Variants in CCNY observed in about 807,000 individuals in gnomAD.
CCNY encodes the protein cyclin Y.
In CCNY, 19 loss-of-function variants were observed where a neutral mutation model predicts 42.8. The ratio of observed to expected loss-of-function variants is 0.44; its 90% CI spans 0.31 to 0.65. CCNY has a LOEUF of 0.65. Among genes scored for constraint, CCNY ranks in the 30% least tolerant of loss-of-function variants. CCNY has a pLI of 0.07. For synonymous variants in CCNY, 165 were observed against 162.7 expected, an observed-to-expected ratio of 1.01 and a Z score of -0.11; for missense variants, 370 against 437.3, an observed-to-expected ratio of 0.85 and a Z score of 1.37.
At chr10:35,403,223 G>A (rs545347885) in intron 1 of CCNY, among the ~76,000 whole-genome samples, 34 of 152,270 alleles carry the variant, frequency 2.2e-4, no homozygotes, top group Admixed American at 1.1e-3. Flanking sequence ...TTTCCACGAC[G>A]GAAAGGAAAT....
chr10:35,554,808 AG>A (rs1285765902), intron 8 of CCNY, among the ~76,000 whole-genome samples: 4 of 152,238 alleles, frequency 2.6e-5, no homozygotes, highest in African/African-American at 9.6e-5. Flanking sequence ...TATTTCCAAA[AG>A]GAAGTGAGAG....
chr10:35,490,762 A>G (rs1175292746), intron 2 of CCNY, among the ~76,000 whole-genome samples: 1 of 152,226 alleles, frequency 6.6e-6, no homozygotes, highest in African/African-American at 2.4e-5. Context: ...GGTGGTTACC[A>G]CAACCCCAGT....
intron 1 of CCNY, among the ~76,000 whole-genome samples, chr10:35,365,296 A>G (rs1054617865): frequency 1.3e-5 from 2 of 152,204 alleles, no homozygotes; most frequent in Non-Finnish European, 2.9e-5. Context: ...TTTATATTTA[A>G]CTTGTCCTCA....
At chr10:35,543,439 C>T (rs79132514) in intron 7 of CCNY, among the ~76,000 whole-genome samples, 1,961 of 152,226 alleles carry the variant, frequency 0.013, 33 homozygotes, top group East Asian at 0.051. Flanking sequence ...AACGATGGAC[C>T]ACATATATGA....
chr10:35,368,738 G>A (rs896565503), intron 1 of CCNY, among the ~76,000 whole-genome samples: 1 of 136,988 alleles, frequency 7.3e-6, no homozygotes, highest in Admixed American at 7.2e-5. Flanking sequence ...TGGCATAGGA[G>A]TGCCCTTCCA....
At chr10:35,477,656 C>G (rs1364874874) in intron 1 of CCNY, among the ~76,000 whole-genome samples, 1 of 149,290 alleles carries the variant, frequency 6.7e-6, no homozygotes, top group African/African-American at 2.4e-5. Context: ...TAAGAGCTAT[C>G]TATGACAAAC....
chr10:35,343,359 C>T (rs1191060581), intron 1 of CCNY, among the ~76,000 whole-genome samples: 1 of 150,996 alleles, frequency 6.6e-6, no homozygotes, highest in Non-Finnish European at 1.5e-5. Context: ...CACCTTCTCA[C>T]CCTCCTCTAC....
At chr10:35,563,446 T>C (rs1841505430) in intron 8 of CCNY, among the ~76,000 whole-genome samples, 1 of 152,142 alleles carries the variant, frequency 6.6e-6, no homozygotes, top group Admixed American at 6.5e-5. Context: ...CTTCTTACTA[T>C]TGGGAGAATA....
At chr10:35,515,422 TA>T (rs1240685461) in intron 3 of CCNY, among the ~76,000 whole-genome samples, 2 of 152,236 alleles carry the variant, frequency 1.3e-5, no homozygotes, top group African/African-American at 2.4e-5. Flanking sequence ...ACATTTTCCT[TA>T]CTTTATTACT....
intron 3 of CCNY, among the ~76,000 whole-genome samples, chr10:35,308,434 C>T (rs1835640658): frequency 6.6e-6 from 1 of 152,048 alleles, no homozygotes; most frequent in Non-Finnish European, 1.5e-5. Flanking sequence ...CACCTGTAGT[C>T]CTGGCTACTT....
At chr10:35,508,228 T>C (rs888486879) in intron 3 of CCNY, among the ~76,000 whole-genome samples, 1 of 152,180 alleles carries the variant, frequency 6.6e-6, no homozygotes, top group African/African-American at 2.4e-5. Context: ...GAGCCTTCTC[T>C]TCCCATCTGT....
At chr10:35,259,466 G>A (rs910947258) in intron 3 of CCNY, among the ~76,000 whole-genome samples, 1 of 147,852 alleles carries the variant, frequency 6.8e-6, no homozygotes, top group Non-Finnish European at 1.5e-5. Context: ...TGGGATTATC[G>A]GCATAAACCA....
chr10:35,425,317 T>C (rs1273042695), intron 1 of CCNY, among the ~76,000 whole-genome samples: 1 of 152,326 alleles, frequency 6.6e-6, no homozygotes, highest in East Asian at 1.9e-4. Context: ...TTGTATTAGA[T>C]TAAAAAATTG....
intron 1 of CCNY, among the ~76,000 whole-genome samples, chr10:35,477,765 A>G (rs1839550702): frequency 6.6e-6 from 1 of 152,148 alleles, no homozygotes; most frequent in Non-Finnish European, 1.5e-5. Context: ...CCTATTCAAC[A>G]TAGTGTTGGA....
intron 3 of CCNY, among the ~76,000 whole-genome samples, chr10:35,298,057 C>A (rs1180696865): frequency 2.0e-5 from 3 of 148,428 alleles, no homozygotes; most frequent in African/African-American, 7.4e-5. Context: ...GCAAAAAGAA[C>A]AAAGCTGGAG....
At chr10:35,448,829 T>C (rs1354292224) in intron 1 of CCNY, among the ~76,000 whole-genome samples, 1 of 152,074 alleles carries the variant, frequency 6.6e-6, no homozygotes, top group Non-Finnish European at 1.5e-5. Flanking sequence ...GCAGACGTGC[T>C]CCTAATGCAG....
At chr10:35,442,191 C>T (rs1307363964) in intron 1 of CCNY, among the ~76,000 whole-genome samples, 1 of 152,158 alleles carries the variant, frequency 6.6e-6, no homozygotes, top group Non-Finnish European at 1.5e-5. Flanking sequence ...GCCCTGTTTG[C>T]GTTGGAGTGA....
chr10:35,306,622 C>G (rs1835608978), intron 3 of CCNY, among the ~76,000 whole-genome samples: 1 of 152,150 alleles, frequency 6.6e-6, no homozygotes, highest in African/African-American at 2.4e-5. Flanking sequence ...AAGAGCTGGT[C>G]TTTCTGGTAC....
Position 35,568,696 on chromosome 10 carries a change from G to A in CCNY, c.910-358G>A, listed in dbSNP as rs142482403. Among the ~76,000 whole-genome samples the A allele has an allele frequency of 1.8e-4, 27 of 152,312 alleles. No individual in the cohort carries two copies. In the East Asian group the frequency reaches 3.1e-3, roughly 17 times the overall value. On this transcript the variant is annotated intron_variant, in intron 9 of 9. Transcript: ENST00000374704. Reference sequence around the variant, plus strand: ...GCCAGGATGGTGCTGTTCTTGCCCCGCTTGCAGGTGAGGACGCCAAGGATT... The same window carrying A: ...GCCAGGATGGTGCTGTTCTTGCCCCACTTGCAGGTGAGGACGCCAAGGATT...
Sources: allele counts gnomAD v4.1 joint callset (sites outside exome capture counted in the v4.1 genomes callset), GRCh38; gene constraint gnomAD v4.1.1; transcripts MANE v1.5; gene names NCBI Gene and HGNC (gene_info 2026-07-23, HGNC 2026-07-21).